The following TBC1D1 variants were observed in gnomAD, a reference collection of about 807,000 sequenced individuals.
TBC1D1 encodes TBC1 (tre-2/USP6, BUB2, cdc16) domain family, member 1.
A neutral mutation model predicts 125.6 loss-of-function variants in TBC1D1; 89 were observed. The observed-to-expected ratio is 0.71, with a 90% CI of 0.60 to 0.85. TBC1D1 has a LOEUF of 0.85. TBC1D1 is among the 40% of genes least tolerant of loss of function. TBC1D1 has a pLI of 0.00. For missense variants in TBC1D1, 1,377 were observed against 1,469.2 expected (o/e 0.94, Z 1.03); for synonymous variants, 565 against 564.1 (o/e 1.00, Z -0.02).
chr4:38,050,861 C>G (rs1242193061), intron 11 of TBC1D1, among the ~76,000 whole-genome samples: 1 of 152,200 alleles, frequency 6.6e-6, no homozygotes, highest in Non-Finnish European at 1.5e-5. Flanking sequence ...TGTTTTCTGT[C>G]AGCCATTGGA....
intron 17 of TBC1D1, among the ~76,000 whole-genome samples, chr4:38,121,759 A>C (rs1049518241): frequency 1.3e-5 from 2 of 152,186 alleles, no homozygotes; most frequent in Non-Finnish European, 2.9e-5. Context: ...AAGATACCGG[A>C]AGACAGGCAA....
At chr4:38,069,464 C>T (rs1240880335) in intron 12 of TBC1D1, among the ~76,000 whole-genome samples, 1 of 152,150 alleles carries the variant, frequency 6.6e-6, no homozygotes, top group Non-Finnish European at 1.5e-5. Context: ...CTAGCTTAAT[C>T]AAAAGGAGGC....
chr4:38,119,516 TAA>T (rs397773449), intron 17 of TBC1D1, among the ~76,000 whole-genome samples: 15 of 144,344 alleles, frequency 1.0e-4, no homozygotes, highest in East Asian at 2.0e-4. Flanking sequence ...ATACCATGGT[TAA>T]AAAAAAAAAA....
At chr4:37,931,490 T>A (rs1211161005) in intron 2 of TBC1D1, among the ~76,000 whole-genome samples, 1 of 152,114 alleles carries the variant, frequency 6.6e-6, no homozygotes, top group East Asian at 1.9e-4. Context: ...TCCACTCTTT[T>A]TTTTTGAGAC....
chr4:38,094,709 G>A (rs1683171898), intron 13 of TBC1D1, among the ~76,000 whole-genome samples: 1 of 152,178 alleles, frequency 6.6e-6, no homozygotes, highest in African/African-American at 2.4e-5. Context: ...CTCTGTTAGG[G>A]TGGCCAGACG....
intron 10 of TBC1D1, among the ~76,000 whole-genome samples, chr4:38,046,646 C>A (rs1331444467): frequency 3.9e-5 from 6 of 152,156 alleles, no homozygotes; most frequent in Admixed American, 3.3e-4. Context: ...CATTCTCCCC[C>A]ACTTGTGGGG....
intron 3 of TBC1D1, among the ~76,000 whole-genome samples, chr4:38,015,942 G>A (rs998044998): frequency 1.2e-4 from 18 of 152,086 alleles, no homozygotes; most frequent in African/African-American, 4.3e-4. Flanking sequence ...AGTCAGATTT[G>A]TGCTTTAATT....
At chr4:38,127,292 A>G (rs567084060) in intron 18 of TBC1D1, among the ~76,000 whole-genome samples, 3 of 152,152 alleles carry the variant, frequency 2.0e-5, no homozygotes, top group Non-Finnish European at 4.4e-5. Flanking sequence ...AAATGGACAC[A>G]GCATGGGAAG....
chr4:38,120,737 G>T (rs190638402), intron 17 of TBC1D1, among the ~76,000 whole-genome samples: 70 of 152,298 alleles, frequency 4.6e-4, no homozygotes, highest in African/African-American at 1.6e-3. Context: ...GTCACATAAT[G>T]TCAATAGCCC....
chr4:37,971,433 G>T (rs541329296), intron 2 of TBC1D1, among the ~76,000 whole-genome samples: 1 of 152,210 alleles, frequency 6.6e-6, no homozygotes, highest in South Asian at 2.1e-4. Flanking sequence ...CGAACAAAAA[G>T]GGTTTTGCCT....
At chr4:37,988,005 T>C (rs1010879449) in intron 2 of TBC1D1, among the ~76,000 whole-genome samples, 2 of 152,200 alleles carry the variant, frequency 1.3e-5, no homozygotes, top group African/African-American at 4.8e-5. Context: ...CAGGTCCCAG[T>C]GTGCTCTGTG....
chr4:37,934,277 A>C (rs1284812730), intron 2 of TBC1D1, among the ~76,000 whole-genome samples: 3 of 152,174 alleles, frequency 2.0e-5, no homozygotes, highest in Non-Finnish European at 4.4e-5. Context: ...GCTCAGGATG[A>C]GTCAGAATGG....
intron 2 of TBC1D1, among the ~76,000 whole-genome samples, chr4:37,943,442 G>T (rs979675461): frequency 7.9e-5 from 12 of 152,144 alleles, no homozygotes; most frequent in Non-Finnish European, 1.2e-4. Context: ...TTCCAACTTG[G>T]TTCCATTCTC....
chr4:38,131,558 C>G (rs1403747088), intron 18 of TBC1D1, among the ~76,000 whole-genome samples: 1 of 152,150 alleles, frequency 6.6e-6, no homozygotes, highest in Non-Finnish European at 1.5e-5. Flanking sequence ...GGAGTTGCCT[C>G]GTTTAATTCT....
At position 38,008,870 on chromosome 4, in the gene TBC1D1, G is replaced by C. The variant is rs538113849; in HGVS notation, c.418-5639G>C. Among the ~76,000 whole-genome samples, 11 of 152,286 alleles carry C rather than the reference G, an allele frequency of 7.2e-5. No homozygotes were observed. The East Asian group carries it at 1.9e-3, about 27-fold the overall frequency. Reference sequence around the variant, plus strand: ...TATATTGGAAATCACATATGCGTGAGCCTCCTAAAGTCAGAGGGAATCATG... The same window carrying C: ...TATATTGGAAATCACATATGCGTGACCCTCCTAAAGTCAGAGGGAATCATG... On this transcript the variant is annotated intron_variant, in intron 2 of 19. Coordinates refer to ENST00000261439, the MANE Select transcript of TBC1D1 (RefSeq NM_015173.4).
At chr4:37,919,876 G>A (rs753851903) in intron 2 of TBC1D1, among the ~76,000 whole-genome samples, 9 of 152,144 alleles carry the variant, frequency 5.9e-5, no homozygotes, top group Non-Finnish European at 1.2e-4. Context: ...ACTTTGGGAG[G>A]CCGAGGGGGG....
intron 2 of TBC1D1, among the ~76,000 whole-genome samples, chr4:37,923,179 T>C (rs1255550077): frequency 6.6e-6 from 1 of 152,096 alleles, no homozygotes; most frequent in African/African-American, 2.4e-5. Flanking sequence ...ACTGTTCAAC[T>C]CCCACTTATG....
intron 12 of TBC1D1, among the ~76,000 whole-genome samples, chr4:38,065,327 C>G (rs1753517637): frequency 6.6e-6 from 1 of 152,180 alleles, no homozygotes; most frequent in South Asian, 2.1e-4. Flanking sequence ...CCACCAGTTA[C>G]TGGGTTACGC....
At chr4:37,971,722 G>T (rs1170216875) in intron 2 of TBC1D1, among the ~76,000 whole-genome samples, 2 of 152,160 alleles carry the variant, frequency 1.3e-5, no homozygotes, top group African/African-American at 4.8e-5. Flanking sequence ...CTGTAAGAGT[G>T]GTTCTTGATC....
Sources: allele counts gnomAD v4.1 joint callset (sites outside exome capture counted in the v4.1 genomes callset), GRCh38; gene constraint gnomAD v4.1.1; transcripts MANE v1.5; gene names NCBI Gene and HGNC (gene_info 2026-07-23, HGNC 2026-07-21).